Variants in TRIM14 observed in about 807,000 individuals in gnomAD.
TRIM14 encodes the protein tripartite motif containing 14.
In TRIM14, 28 loss-of-function variants were observed where a neutral mutation model predicts 44.5. The observed-to-expected ratio is 0.63, with a 90% CI of 0.47 to 0.86. TRIM14 has a LOEUF of 0.86. Among genes scored for constraint, TRIM14 ranks in the 40% least tolerant of loss-of-function variants. The pLI is 0.00. For synonymous variants in TRIM14, 299 were observed against 269.2 expected (o/e 1.11, Z -1.08); for missense variants, 607 against 611.1 (o/e 0.99, Z 0.07).
chr9:98,039,412 T>A, the TRIM14 span, among the ~76,000 whole-genome samples: 1 of 152,222 alleles, frequency 6.6e-6, no homozygotes, highest in South Asian at 2.1e-4. Flanking sequence ...TAGGCTGAAC[T>A]AACTTTGGGA....
chr9:98,087,756 C>A lies in TRIM14; in HGVS notation c.1043G>T (p.Gly348Val). The A allele has an allele frequency of 6.5e-7, 1 of 1,539,658 alleles. No individual in the cohort carries two copies. Among genetic ancestry groups the A allele is most frequent in the Non-Finnish European group, 8.7e-7 (1 of 1,153,210 alleles). ...GCCCAGGCGGGCGGCGGCCGAGGCCCCGCGGCGCCGAAGGGAGGCGTAGGC... is the reference window on the plus strand; with the variant it reads ...GCCCAGGCGGGCGGCGGCCGAGGCCACGCGGCGCCGAAGGGAGGCGTAGGC... ...GAAYASLRRR[G>V]ASAAARLGCN... Residue 348 changes from glycine (G) to valine (V), a missense_variant, in exon 6 of 6, where the codon GGG becomes GTG. By Grantham distance (109) the Gly-to-Val change is moderately radical. Transcript: ENST00000341469.
intron 4 of TRIM14, among the ~76,000 whole-genome samples, 172 bp from the exon 5 acceptor site, chr9:98,092,173 G>A (rs1826018592): frequency 6.6e-6 from 1 of 152,194 alleles, no homozygotes; most frequent in Non-Finnish European, 1.5e-5. Context: ...TGACAAGGCT[G>A]GTGTGGGAGA....
chr9:98,073,400 T>C (rs1480475580), intron 6 of TRIM14, among the ~76,000 whole-genome samples: 3 of 148,200 alleles, frequency 2.0e-5, no homozygotes, highest in Non-Finnish European at 4.5e-5. Context: ...TTGTCCTGCC[T>C]TAGCCTCCCG....
the TRIM14 span, among the ~76,000 whole-genome samples, chr9:98,062,892 T>C: frequency 1.3e-5 from 2 of 151,424 alleles, no homozygotes; most frequent in Non-Finnish European, 2.9e-5. Flanking sequence ...ATCTCAAAAT[T>C]CAAAGTTTAA....
At chr9:98,056,552 C>A in the TRIM14 span, among the ~76,000 whole-genome samples, 2 of 152,004 alleles carry the variant, frequency 1.3e-5, no homozygotes, top group African/African-American at 4.8e-5. Context: ...CCTCAAGCCT[C>A]GCACAGGAGA....
chr9:98,094,526 G>A (rs892024728), intron 4 of TRIM14, among the ~76,000 whole-genome samples: 5 of 152,172 alleles, frequency 3.3e-5, no homozygotes, highest in Non-Finnish European at 7.4e-5. Context: ...GCCTCGAAGG[G>A]GTGCCAGGCC....
intron 1 of TRIM14, among the ~76,000 whole-genome samples, chr9:98,114,558 G>A (rs911779239): frequency 1.3e-5 from 2 of 152,062 alleles, no homozygotes; most frequent in Non-Finnish European, 2.9e-5. Context: ...TCCTGACCTC[G>A]TGATCGGCCC....
At chr9:98,091,495 T>C (rs905563898) in intron 5 of TRIM14, among the ~76,000 whole-genome samples, 2 of 152,148 alleles carry the variant, frequency 1.3e-5, no homozygotes, top group Non-Finnish European at 2.9e-5. Context: ...TGGCTCACTG[T>C]ATAAATCCCA....
At chr9:98,080,091 A>G (rs1829785653), downstream of TRIM14, among the ~76,000 whole-genome samples, 1 of 152,134 alleles carries the variant, frequency 6.6e-6, no homozygotes, top group Non-Finnish European at 1.5e-5. Flanking sequence ...GCGGGCACCC[A>G]TAGTCCCAGC....
intron 2 of TRIM14, 101 bp downstream of exon 2, chr9:98,109,788 G>A (rs772793950): frequency 9.8e-6 from 9 of 914,714 alleles, no homozygotes; most frequent in East Asian, 2.4e-5. Context: ...CTGCCCCTTC[G>A]CAGTTGGTTT....
the TRIM14 span, among the ~76,000 whole-genome samples, chr9:98,045,731 T>G: frequency 1.3e-5 from 2 of 152,198 alleles, no homozygotes; most frequent in Non-Finnish European, 2.9e-5. Context: ...AGAAACAGGA[T>G]CTGAAGTAGA....
chr9:98,052,921 C>T, the TRIM14 span, among the ~76,000 whole-genome samples: 2 of 152,202 alleles, frequency 1.3e-5, no homozygotes, highest in East Asian at 3.8e-4. Flanking sequence ...ATAACTTAAC[C>T]ATGGATGCAT....
At chr9:98,069,080 A>T (rs1478370901), downstream of TRIM14, among the ~76,000 whole-genome samples, 1 of 152,146 alleles carries the variant, frequency 6.6e-6, no homozygotes, top group African/African-American at 2.4e-5. Context: ...ACCAGTTGTC[A>T]TTTGGTAATT....
intron 1 of TRIM14, 197 bp from the exon 2 acceptor site, chr9:98,110,181 C>T (rs1826791992): frequency 1.7e-6 from 1 of 574,746 alleles, no homozygotes; most frequent in African/African-American, 1.9e-5. Context: ...CGGAGGTCCA[C>T]ATCAGGTATG....
chr9:98,038,823 G>A, the TRIM14 span, among the ~76,000 whole-genome samples: 1 of 152,054 alleles, frequency 6.6e-6, no homozygotes, highest in Non-Finnish European at 1.5e-5. Flanking sequence ...GGCCGAGGCA[G>A]GCGGATTATG....
intron 1 of TRIM14, chr9:98,115,863 G>A (rs1187857479): frequency 6.6e-6 from 1 of 152,006 alleles, no homozygotes; most frequent in Non-Finnish European, 1.5e-5. Context: ...AGTTTACAGA[G>A]CCCATAAGAA....
Position 98,095,965 on chromosome 9 carries a change from T to C in TRIM14, c.538-936A>G, listed in dbSNP as rs1376021362. On this transcript the variant is annotated intron_variant, in intron 3 of 5. Transcript: ENST00000341469. This position sits in a 1 kb window ranked among gnomAD's most constrained non-coding sequence, Gnocchi z 4.1. ...TCTCATACTCTTCCATAAACTCCTT[T>C]CTTGCTTAAAACAGTTCCAGTGGAT... is the stretch of plus-strand genomic sequence containing the variant. 6.6e-6 allele frequency among the ~76,000 whole-genome samples: 1 copy of C among 152,212 alleles called. No individual in the cohort carries two copies. Among genetic ancestry groups the C allele is most frequent in the East Asian group, 1.9e-4 (1 of 5,190 alleles).
At chr9:98,070,738 T>C (rs1441755263) in intron 6 of TRIM14, among the ~76,000 whole-genome samples, 1 of 151,526 alleles carries the variant, frequency 6.6e-6, no homozygotes, top group African/African-American at 2.4e-5. Context: ...AATTTTTAAT[T>C]CAGCAAATAC....
chr9:98,039,864 C>T, the TRIM14 span, among the ~76,000 whole-genome samples: 2 of 152,090 alleles, frequency 1.3e-5, no homozygotes, highest in Non-Finnish European at 2.9e-5. Flanking sequence ...AATGAAACTC[C>T]AGCCTCCCGC....
Sources: allele counts gnomAD v4.1 joint callset (sites outside exome capture counted in the v4.1 genomes callset), GRCh38; gene constraint gnomAD v4.1.1; non-coding constraint Gnocchi (gnomAD v3.1); transcripts MANE v1.5; gene names NCBI Gene and HGNC (gene_info 2026-07-23, HGNC 2026-07-21).